HECW1: variants seen among roughly 807,000 people sequenced by gnomAD.
HECW1 encodes E3 ubiquitin-protein ligase HECW1.
Under a neutral mutation model 182.3 loss-of-function variants are expected in HECW1, and 61 were observed. That is an observed-to-expected ratio of 0.33 (90% CI 0.27 to 0.41). HECW1 has a LOEUF of 0.41. HECW1 is among the 10% of genes least tolerant of loss of function. The probability of loss-of-function intolerance (pLI) is 1.00; values close to 1 mark genes in which losing one functional copy is unlikely to be tolerated. For synonymous variants in HECW1, 859 were observed against 832.6 expected (o/e 1.03, Z -0.55); for missense variants, 1,739 against 2,108.9 (o/e 0.82, Z 3.44).
intron 24 of HECW1, among the ~76,000 whole-genome samples, chr7:43,538,086 C>T (rs1422574267): frequency 1.3e-5 from 2 of 152,166 alleles, no homozygotes; most frequent in Admixed American, 6.5e-5. Context: ...ATGATTGATC[C>T]GGTGGGCATC....
At chr7:43,477,806 T>C (rs999402622) in intron 16 of HECW1, among the ~76,000 whole-genome samples, 5 of 152,252 alleles carry the variant, frequency 3.3e-5, no homozygotes, top group African/African-American at 1.2e-4. Flanking sequence ...CATCAAATAC[T>C]TGAAATTATA....
chr7:43,210,801 G>A (rs1262369965), intron 2 of HECW1, among the ~76,000 whole-genome samples: 1 of 152,198 alleles, frequency 6.6e-6, no homozygotes, highest in Admixed American at 6.5e-5. Context: ...CAGACACCCT[G>A]CCAGATCCAG....
chr7:43,255,463 G>C (rs909351556), intron 3 of HECW1, among the ~76,000 whole-genome samples: 2 of 152,028 alleles, frequency 1.3e-5, no homozygotes, highest in South Asian at 4.2e-4. Flanking sequence ...GCTGGATATG[G>C]TTGCACACCT....
intron 2 of HECW1, among the ~76,000 whole-genome samples, chr7:43,219,622 T>C (rs1212604673): frequency 2.0e-5 from 3 of 151,990 alleles, no homozygotes; most frequent in African/African-American, 7.3e-5. Flanking sequence ...GGGGGCTGCA[T>C]GCACCAATAA....
At position 43,492,161 on chromosome 7, in the gene HECW1, A is replaced by G. The variant is rs775187617; in HGVS notation, c.3321A>G (p.Gln1107=). Residue 1107 remains glutamine (Q), a synonymous_variant, in exon 18 of 30, where the codon CAA becomes CAG. Transcript: ENST00000395891. ...SLVAAIRSQH[Q]HESLPLAYND... ...TAGCTGCTATTCGAAGCCAACATCA[A>G]CATGAGTCATTGCCACTGGGTATGT... 12 of 1,602,786 alleles carry G rather than the reference A, an allele frequency of 7.5e-6. No homozygotes were observed. Among genetic ancestry groups the G allele is most frequent in the Non-Finnish European group, 1.0e-5 (12 of 1,176,642 alleles).
intron 24 of HECW1, among the ~76,000 whole-genome samples, chr7:43,531,756 C>G (rs1476357413): frequency 1.3e-5 from 2 of 152,222 alleles, no homozygotes; most frequent in Non-Finnish European, 2.9e-5. Flanking sequence ...TGCCTCCTTC[C>G]TGCACCATGC....
At chr7:43,236,792 C>T (rs1380035776) in intron 2 of HECW1, among the ~76,000 whole-genome samples, 1 of 152,104 alleles carries the variant, frequency 6.6e-6, no homozygotes, top group Non-Finnish European at 1.5e-5. Context: ...GGGTAAAGAT[C>T]ATGAGGCCCA....
chr7:43,272,396 A>C (rs1385792608), intron 3 of HECW1, among the ~76,000 whole-genome samples: 1 of 152,300 alleles, frequency 6.6e-6, no homozygotes. Flanking sequence ...TGAATAGACA[A>C]CCTACAGAAT....
At chr7:43,411,913 A>G (rs545332951) in intron 8 of HECW1, among the ~76,000 whole-genome samples, 4 of 152,124 alleles carry the variant, frequency 2.6e-5, no homozygotes, top group East Asian at 1.9e-4. Context: ...TCTGCCTTTT[A>G]ATAGGAATGA....
At chr7:43,524,240 A>G (rs2080664140) in intron 24 of HECW1, among the ~76,000 whole-genome samples, 1 of 152,198 alleles carries the variant, frequency 6.6e-6, no homozygotes, top group African/African-American at 2.4e-5. Context: ...GAGTGTGAGA[A>G]AAAAAGCTGG....
intron 24 of HECW1, among the ~76,000 whole-genome samples, chr7:43,514,574 C>T (rs1585152500): frequency 6.6e-6 from 1 of 152,160 alleles, no homozygotes; most frequent in African/African-American, 2.4e-5. Flanking sequence ...CAGGCGTGAG[C>T]CAACGTGCCC....
intron 3 of HECW1, among the ~76,000 whole-genome samples, chr7:43,296,566 C>T (rs1177217635): frequency 6.6e-6 from 1 of 152,204 alleles, no homozygotes; most frequent in African/African-American, 2.4e-5. Context: ...CCTCCTCTCT[C>T]CTCTCTCAAC....
chr7:43,312,347 T>C (rs1004163449), intron 4 of HECW1, among the ~76,000 whole-genome samples: 4 of 152,216 alleles, frequency 2.6e-5, no homozygotes, highest in Non-Finnish European at 5.9e-5. Context: ...TCATTATCAT[T>C]TGCAACTATA....
intron 2 of HECW1, among the ~76,000 whole-genome samples, chr7:43,174,464 A>G (rs865988696): frequency 1.3e-5 from 2 of 152,304 alleles, no homozygotes; most frequent in Middle Eastern, 6.8e-3. Context: ...TGTCATTCAG[A>G]GATAACCCTA....
intron 14 of HECW1, among the ~76,000 whole-genome samples, chr7:43,464,576 G>T (rs569930792): frequency 1.3e-5 from 2 of 152,134 alleles, no homozygotes; most frequent in African/African-American, 4.8e-5. Flanking sequence ...TTGGGTAAAT[G>T]ATGGCAGATT....
At chr7:43,138,824 A>T (rs767957958) in intron 2 of HECW1, among the ~76,000 whole-genome samples, 1 of 152,168 alleles carries the variant, frequency 6.6e-6, no homozygotes, top group Non-Finnish European at 1.5e-5. Flanking sequence ...AGGGTGGGTG[A>T]GAGATTTTAA....
At chr7:43,510,382 T>C (rs2079804990) in intron 24 of HECW1, 2 of 152,164 alleles carry the variant, frequency 1.3e-5, no homozygotes, top group African/African-American at 4.8e-5. Context: ...CAGAGAAATA[T>C]TTTCATCAAA....
intron 2 of HECW1, among the ~76,000 whole-genome samples, chr7:43,141,302 C>T (rs1383475621): frequency 1.3e-5 from 2 of 152,152 alleles, no homozygotes; most frequent in African/African-American, 2.4e-5. Flanking sequence ...GGAATCTCAC[C>T]GAAGCCACCT....
intron 5 of HECW1, among the ~76,000 whole-genome samples, chr7:43,330,551 G>A (rs762848796): frequency 7.4e-4 from 113 of 152,320 alleles, no homozygotes; most frequent in Non-Finnish European, 1.3e-3. Flanking sequence ...AAACCATCAA[G>A]AGCAAGGCCC....
Sources: gnomAD v4.1 joint callset for allele counts (sites outside exome capture counted in the v4.1 genomes callset) on GRCh38, gnomAD v4.1.1 for gene constraint, MANE v1.5 for transcripts, NCBI Gene and HGNC (gene_info 2026-07-23, HGNC 2026-07-21) for gene names.